Variants in PCDHGB6 observed in about 807,000 individuals in gnomAD.
PCDHGB6 encodes the protein protocadherin gamma-B6.
PCDHGB6 carries 51 observed loss-of-function variants against 59.1 expected under a neutral mutation model. That is an observed-to-expected ratio of 0.86 (90% CI 0.69 to 1.09). PCDHGB6 has a LOEUF of 1.09. PCDHGB6 is among the 50% of genes least tolerant of loss of function. The probability of loss-of-function intolerance (pLI) is 0.00; values close to 1 mark genes in which losing one functional copy is unlikely to be tolerated. For missense variants in PCDHGB6, 1,148 were observed against 1,205.1 expected, an observed-to-expected ratio of 0.95 and a Z score of 0.70; for synonymous variants, 466 against 495.1, an observed-to-expected ratio of 0.94 and a Z score of 0.78.
Position 141,431,529 on chromosome 5 carries a change from T to G in PCDHGB6, c.2418+20909T>G, listed in dbSNP as rs145601545. The G allele has an allele frequency of 2.5e-6, 4 of 1,614,074 alleles. No homozygotes were observed. The highest frequency in any genetic ancestry group is 3.4e-6 in the Non-Finnish European group (4 of 1,180,030). ...GCGAGCGTTCCGGAGAATCTGGCCT[T>G]GGGCACGCAGCTGCTTGTAGTCAAC... On this transcript the variant is annotated intron_variant, in intron 1 of 3. Coordinates refer to ENST00000520790, the MANE Select transcript of PCDHGB6 (RefSeq NM_018926.3). The surrounding 1 kb of genome is among the most constrained non-coding windows in gnomAD (Gnocchi z 4.8).
intron 1 of PCDHGB6, among the ~76,000 whole-genome samples, chr5:141,471,995 TG>T: frequency 6.6e-6 from 1 of 152,322 alleles, no homozygotes; most frequent in East Asian, 1.9e-4. Context: ...TAAAAATCCC[TG>T]CATCGTATAG....
At chr5:141,413,267 GA>G in intron 1 of PCDHGB6, 1 of 1,613,960 alleles carries the variant, frequency 6.2e-7, no homozygotes, top group Non-Finnish European at 8.5e-7. Flanking sequence ...TGGGAGGCTG[GA>G]GCCCGGCAGA....
At position 141,430,969 on chromosome 5, in the gene PCDHGB6, T is replaced by C. The variant is rs560722324; in HGVS notation, c.2418+20349T>C. The C allele has an allele frequency of 1.5e-4, 246 of 1,613,012 alleles. 3 individuals carry two copies. The South Asian group carries it at 2.6e-3, about 17-fold the overall frequency. The stretch of plus-strand genomic sequence containing the variant: ...GCGGAGTCCGCATCATCCCCAGAGG[T>C]AGGACGCAGCTTTTCGCCCTGAATC... On this transcript the variant is annotated intron_variant, in intron 1 of 3. Transcript: ENST00000520790.
chr5:141,497,649 C>T (rs973501351), intron 2 of PCDHGB6, among the ~76,000 whole-genome samples: 1 of 151,784 alleles, frequency 6.6e-6, no homozygotes, highest in Non-Finnish European at 1.5e-5. Context: ...AAGCGATTCT[C>T]CTGCCTCAGC....
In PCDHGB6 at chr5:141,432,249, A is replaced by G; in HGVS notation, c.2418+21629A>G. The G allele has an allele frequency of 6.2e-7, 1 of 1,614,206 alleles. No individual in the cohort carries two copies. Among genetic ancestry groups the G allele is most frequent in the Non-Finnish European group, 8.5e-7 (1 of 1,180,044 alleles). On this transcript the variant is annotated intron_variant, in intron 1 of 3. Coordinates refer to ENST00000520790, the MANE Select transcript of PCDHGB6 (RefSeq NM_018926.3). The surrounding 1 kb of genome is among the most constrained non-coding windows in gnomAD (Gnocchi z 6.0). ...TATTCCCTGGCTGAGAACACCATCC[A>G]AGGGGCAAGCCTATCGTCCTACGTG...
intron 1 of PCDHGB6, chr5:141,421,475 G>A (rs752558543): frequency 4.3e-6 from 7 of 1,614,150 alleles, no homozygotes. Flanking sequence ...CCGCGAAGCG[G>A]CAGCTTGATC....
rs1174072440 is a variant in PCDHGB6, at chr5:141,438,581, TACATACATAC to T, written c.2418+27963_2418+27972del. Among the ~76,000 whole-genome samples, 141 of 49,790 alleles carry T rather than the reference TACATACATAC, an allele frequency of 2.8e-3. 1 individual carries two copies. Among genetic ancestry groups the T allele is most frequent in the African/African-American group, 0.014 (97 of 6,866 alleles). 32.7% of individuals were successfully genotyped at this position (49,790 alleles called of 152,430 possible). A position where few individuals can be genotyped will look rare whatever the true frequency, so the allele number is the denominator to read the frequency against. On this transcript the variant is annotated intron_variant, in intron 1 of 3. Coordinates refer to ENST00000520790, the MANE Select transcript of PCDHGB6 (RefSeq NM_018926.3). ...GAGGCAGCTGTCTGATATACATACA[TACATACATAC>T]ATATATATATATATATATATATATA...
At chr5:141,480,703 C>T (rs577131684) in intron 1 of PCDHGB6, among the ~76,000 whole-genome samples, 10 of 152,252 alleles carry the variant, frequency 6.6e-5, no homozygotes, top group Admixed American at 1.3e-4. Flanking sequence ...GGCCACACCC[C>T]GACAAATGAA....
rs1561852927 is a variant in PCDHGB6, at chr5:141,431,472, A to G, written c.2418+20852A>G. On this transcript the variant is annotated intron_variant, in intron 1 of 3. Coordinates refer to ENST00000520790, the MANE Select transcript of PCDHGB6 (RefSeq NM_018926.3). The surrounding 1 kb of genome is among the most constrained non-coding windows in gnomAD (Gnocchi z 4.8). The stretch of plus-strand genomic sequence containing the variant: ...GTGATGGTTCTGGATGCGAACGACA[A>G]CGCACCAGCGTTTGCTCAGCCCGAG... 6.2e-7 allele frequency: 1 copy of G among 1,613,784 alleles called. No individual in the cohort carries two copies. The highest frequency in any genetic ancestry group is 8.5e-7 in the Non-Finnish European group (1 of 1,179,948).
chr5:141,447,558 G>T (rs551305232), intron 1 of PCDHGB6, among the ~76,000 whole-genome samples: 1 of 152,264 alleles, frequency 6.6e-6, no homozygotes, highest in African/African-American at 2.4e-5. Context: ...GAGTACACTT[G>T]GAGGATTCTA....
chr5:141,416,722 A>G (rs891558095), intron 1 of PCDHGB6: 3 of 152,258 alleles, frequency 2.0e-5, no homozygotes, highest in Admixed American at 6.5e-5. Context: ...TGATGAGTTC[A>G]TTTAGTTCAA....
intron 1 of PCDHGB6, chr5:141,433,358 C>CCCAT (rs1554125967): frequency 7.1e-5 from 36 of 503,934 alleles, no homozygotes; most frequent in African/African-American, 1.2e-4. Flanking sequence ...CTACTGTCTG[C>CCCAT]CTATCTATCT....
intron 1 of PCDHGB6, among the ~76,000 whole-genome samples, chr5:141,484,306 C>T (rs1009067603): frequency 6.6e-6 from 1 of 152,184 alleles, no homozygotes; most frequent in African/African-American, 2.4e-5. Context: ...GCTTCCTCCA[C>T]CCCGCTTCCA....
Position 141,432,436 on chromosome 5 carries a change from G to A in PCDHGB6, c.2418+21816G>A, listed in dbSNP as rs753833603. On this transcript the variant is annotated intron_variant, in intron 1 of 3. Coordinates refer to ENST00000520790, the MANE Select transcript of PCDHGB6 (RefSeq NM_018926.3). The surrounding 1 kb of genome is among the most constrained non-coding windows in gnomAD (Gnocchi z 6.0). ...TCGTGCTGGACCAGAACGACAATGC[G>A]CCCGAGATCCTGTACCCCGCCCTCC... The A allele has an allele frequency of 4.3e-6, 7 of 1,614,196 alleles. No homozygotes were observed. The highest frequency in any genetic ancestry group is 1.1e-5 in the South Asian group (1 of 91,084).
Position 141,489,560 on chromosome 5 carries a change from A to G in PCDHGB6, c.2419-5247A>G. On this transcript the variant is annotated intron_variant, in intron 1 of 3. Coordinates refer to ENST00000520790, the MANE Select transcript of PCDHGB6 (RefSeq NM_018926.3). The surrounding 1 kb of genome is among the most constrained non-coding windows in gnomAD (Gnocchi z 4.5). Reference sequence around the variant, plus strand: ...AGCACCAGCTGCCTGCTGCCAGTGCAGGTGGTGACTGAACACCCCCTGGAG... The same window carrying G: ...AGCACCAGCTGCCTGCTGCCAGTGCGGGTGGTGACTGAACACCCCCTGGAG... 1.2e-6 allele frequency: 2 copies of G among 1,614,142 alleles called. No homozygotes were observed. The highest frequency in any genetic ancestry group is 1.7e-6 in the Non-Finnish European group (2 of 1,180,030).
rs2099750571 is a variant in PCDHGB6, at chr5:141,493,878, T to A, written c.2419-929T>A. On this transcript the variant is annotated intron_variant, in intron 1 of 3. Coordinates refer to ENST00000520790, the MANE Select transcript of PCDHGB6 (RefSeq NM_018926.3). This position sits in a 1 kb window ranked among gnomAD's most constrained non-coding sequence, Gnocchi z 4.3. ...GCCCACCCCAGAACCAGTGAGGAGG[T>A]GGCTCTAGGAGTGCTCCATGAGAGT... is the stretch of plus-strand genomic sequence containing the variant. 6.6e-6 allele frequency among the ~76,000 whole-genome samples: 1 copy of A among 152,072 alleles called. No homozygotes were observed. The highest frequency in any genetic ancestry group is 6.6e-5 in the Admixed American group (1 of 15,264).
At position 141,410,315 on chromosome 5, in the gene PCDHGB6, C is replaced by G. The variant is rs781293010; in HGVS notation, c.2113C>G (p.Leu705Val). 3 of 1,614,040 alleles carry G rather than the reference C, an allele frequency of 1.9e-6. No homozygotes were observed. In the East Asian group the frequency reaches 6.7e-5, roughly 36 times the overall value. The change falls in exon 1 of 4, where the codon CTC (leucine) becomes GTC (valine). Residue 705 changes from leucine (L) to valine (V), a missense_variant. This residue lies in a region of PCDHGB6 where 283 missense variants were observed against 318.6 expected (regional missense o/e 0.89). Coordinates refer to ENST00000520790, the MANE Select transcript of PCDHGB6 (RefSeq NM_018926.3). ...ALALISVLFL[L>V]AVILAIALRL... is the part of the protein sequence containing the mutation. ...GGCCTTAATCTCAGTGCTCTTCCTCCTCGCCGTGATTCTGGCCATTGCCTT... is the reference window on the plus strand; with the variant it reads ...GGCCTTAATCTCAGTGCTCTTCCTCGTCGCCGTGATTCTGGCCATTGCCTT...
intron 1 of PCDHGB6, among the ~76,000 whole-genome samples, chr5:141,454,371 G>A (rs901551817): frequency 6.6e-6 from 1 of 152,096 alleles, no homozygotes; most frequent in Non-Finnish European, 1.5e-5. Context: ...AAGGAGTATG[G>A]CAACTTGTCA....
At position 141,489,985 on chromosome 5, in the gene PCDHGB6, G is replaced by A. The variant is rs761481986; in HGVS notation, c.2419-4822G>A. ...AACCTTCCAATCCTCAGTTCTACGT[G>A]TGGGAATCCCAGAGAATGCACCCAT... On this transcript the variant is annotated intron_variant, in intron 1 of 3. Transcript: ENST00000520790. The surrounding 1 kb of genome is among the most constrained non-coding windows in gnomAD (Gnocchi z 4.5). The A allele has an allele frequency of 1.2e-6, 2 of 1,614,094 alleles. No homozygotes were observed. Among genetic ancestry groups the A allele is most frequent in the African/African-American group, 2.7e-5 (2 of 74,946 alleles).
Sources: gnomAD v4.1 joint callset for allele counts (sites outside exome capture counted in the v4.1 genomes callset) on GRCh38, gnomAD v4.1.1 for gene constraint, gnomAD v4.1.1 regional missense constraint, Gnocchi (gnomAD v3.1) non-coding constraint, MANE v1.5 for transcripts, NCBI Gene and HGNC (gene_info 2026-07-23, HGNC 2026-07-21) for gene names.